RALA: variants seen among roughly 807,000 people sequenced by gnomAD.
RALA encodes RAS like proto-oncogene A, also known as ras-related protein Ral-A.
In RALA, 5 loss-of-function variants were observed where a neutral mutation model predicts 24.0. The ratio of observed to expected loss-of-function variants is 0.21; its 90% CI spans 0.11 to 0.44. The LOEUF is 0.44. Ranked by LOEUF, RALA falls within the 20% of genes least tolerant of loss-of-function variation. The pLI, the probability that RALA is intolerant of heterozygous loss-of-function variation, is 0.99. For synonymous variants in RALA, 77 were observed against 83.8 expected (o/e 0.92, Z 0.44); for missense variants, 95 against 241.2 (o/e 0.39, Z 4.01).
intron 3 of RALA, among the ~76,000 whole-genome samples, chr7:39,692,259 A>G (rs558209241): frequency 9.2e-5 from 14 of 152,180 alleles, no homozygotes; most frequent in Non-Finnish European, 1.6e-4. Flanking sequence ...TTCCTCGTCT[A>G]TATATGCAAT....
At chr7:39,644,613 A>T (rs1439320372) in intron 1 of RALA, among the ~76,000 whole-genome samples, 3 of 152,118 alleles carry the variant, frequency 2.0e-5, no homozygotes, top group African/African-American at 7.2e-5. Context: ...TTCATCCTTC[A>T]TCTCTTTTTC....
chr7:39,627,366 A>G (rs1229153832), intron 1 of RALA, among the ~76,000 whole-genome samples: 1 of 152,212 alleles, frequency 6.6e-6, no homozygotes, highest in Non-Finnish European at 1.5e-5. Context: ...CAAAAAAGGC[A>G]TGCTTCCATA....
chr7:39,683,840 A>AACACACACACACACACACAC (rs71964842), intron 1 of RALA, among the ~76,000 whole-genome samples: 1 of 147,954 alleles, frequency 6.8e-6, no homozygotes, highest in African/African-American at 2.5e-5. Context: ...TTTTCTTTTG[A>AACACACACACACACACACAC]ACACACACAC....
chr7:39,688,979 G>A (rs886583210), intron 2 of RALA, among the ~76,000 whole-genome samples: 1 of 152,156 alleles, frequency 6.6e-6, no homozygotes, highest in African/African-American at 2.4e-5. Context: ...GAGAGTGTGA[G>A]CGAGCACACG....
chr7:39,657,766 G>GAA (rs60814051), intron 1 of RALA, among the ~76,000 whole-genome samples: 2 of 151,958 alleles, frequency 1.3e-5, no homozygotes, highest in African/African-American at 4.8e-5. Context: ...CACAAAAAAA[G>GAA]AAAAAAAATG....
chr7:39,641,389 A>G (rs1406667732), intron 1 of RALA, among the ~76,000 whole-genome samples: 1 of 152,172 alleles, frequency 6.6e-6, no homozygotes, highest in East Asian at 1.9e-4. Flanking sequence ...TTCCACATAC[A>G]TCTTCCCACC....
intron 4 of RALA, among the ~76,000 whole-genome samples, chr7:39,704,396 A>G (rs1022441378): frequency 1.3e-5 from 2 of 151,628 alleles, no homozygotes; most frequent in African/African-American, 2.4e-5. Flanking sequence ...ATCTCAGCTC[A>G]CCGCAACCTC....
rs1456295827 is a variant in RALA at position 39,686,703 on chromosome 7, G to A, written c.36G>A (p.Leu12=). 2 of 1,613,966 alleles carry A rather than the reference G, an allele frequency of 1.2e-6. No individual in the cohort carries two copies. Among genetic ancestry groups the A allele is most frequent in the Non-Finnish European group, 1.7e-6 (2 of 1,180,016 alleles). Reference sequence around the variant, plus strand: ...ATAAGCCCAAGGGTCAGAATTCTTTGGCTTTACACAAAGTCATCATGGTGG... The same window carrying A: ...ATAAGCCCAAGGGTCAGAATTCTTTAGCTTTACACAAAGTCATCATGGTGG... The part of the protein sequence containing the change: ...AANKPKGQNS[L]ALHKVIMVGS... Residue 12 remains leucine (L), a synonymous_variant, in exon 2 of 5, where the codon TTG becomes TTA. Transcript: ENST00000005257.
intron 3 of RALA, among the ~76,000 whole-genome samples, chr7:39,693,417 G>T (rs942905922): frequency 6.6e-6 from 1 of 152,050 alleles, no homozygotes; most frequent in Non-Finnish European, 1.5e-5. Flanking sequence ...GGGGCCTATC[G>T]TGGGGTGGGG....
chr7:39,645,589 G>A (rs1225413292), intron 1 of RALA, among the ~76,000 whole-genome samples: 3 of 152,140 alleles, frequency 2.0e-5, no homozygotes, highest in Non-Finnish European at 1.5e-5. Context: ...TAACCTTTTA[G>A]GGGAGACAGT....
intron 1 of RALA, among the ~76,000 whole-genome samples, chr7:39,654,556 C>A (rs1048591255): frequency 6.6e-6 from 1 of 152,068 alleles, no homozygotes; most frequent in African/African-American, 2.4e-5. Flanking sequence ...TGATGCAGTC[C>A]AACTTATCAA....
intron 1 of RALA, among the ~76,000 whole-genome samples, chr7:39,634,959 C>T (rs1791661497): frequency 6.6e-6 from 1 of 151,980 alleles, no homozygotes; most frequent in Non-Finnish European, 1.5e-5. Flanking sequence ...TCTTTATTTC[C>T]TTTGCTTATT....
chr7:39,688,200 T>C (rs777669756), intron 2 of RALA, among the ~76,000 whole-genome samples: 12 of 152,182 alleles, frequency 7.9e-5, no homozygotes, highest in Non-Finnish European at 1.6e-4. Flanking sequence ...GGCTAGGAGC[T>C]TGAACCAGCT....
chr7:39,626,405 G>GAGT (rs142655531), intron 1 of RALA, among the ~76,000 whole-genome samples: 5,405 of 152,254 alleles, frequency 0.035, 128 homozygotes, highest in Middle Eastern at 0.061. Context: ...TGAGAGCACT[G>GAGT]AGTATTATTG....
chr7:39,678,059 G>A, intron 1 of RALA, among the ~76,000 whole-genome samples: 1 of 134,574 alleles, frequency 7.4e-6, no homozygotes, highest in Non-Finnish European at 1.6e-5. Context: ...CGGGGGAGGG[G>A]GGAGGGATAG....
At chr7:39,659,515 G>A (rs1792149609) in intron 1 of RALA, among the ~76,000 whole-genome samples, 1 of 151,994 alleles carries the variant, frequency 6.6e-6, no homozygotes. Flanking sequence ...TAGTGAGCAG[G>A]CTGTAGTTCG....
chr7:39,702,664 A>AGAGTACTATTCAATCATTGAAAAG (rs1793048677), intron 4 of RALA, among the ~76,000 whole-genome samples: 1 of 152,246 alleles, frequency 6.6e-6, no homozygotes, highest in South Asian at 2.1e-4. Context: ...TATACACTAT[A>AGAGTACTATTCAATCATTGAAAAG]GAGTACTATT....
At chr7:39,679,990 C>T (rs1011642463) in intron 1 of RALA, among the ~76,000 whole-genome samples, 5 of 152,072 alleles carry the variant, frequency 3.3e-5, no homozygotes, top group Admixed American at 6.6e-5. Context: ...TGAGCCACCG[C>T]GCCTGGCCAG....
chr7:39,673,300 T>A (rs1316743085), intron 1 of RALA, among the ~76,000 whole-genome samples: 4 of 152,234 alleles, frequency 2.6e-5, no homozygotes, highest in Admixed American at 6.5e-5. Context: ...AGGTTTTTTT[T>A]AATCATGAAG....
Sources: gnomAD v4.1 joint callset for allele counts (sites outside exome capture counted in the v4.1 genomes callset) on GRCh38, gnomAD v4.1.1 for gene constraint, MANE v1.5 for transcripts, NCBI Gene and HGNC (gene_info 2026-07-23, HGNC 2026-07-21) for gene names.